MYPN: variants seen among roughly 807,000 people sequenced by gnomAD.
MYPN encodes sarcomeric protein myopalladin, 145 kDa (MYOP).
A neutral mutation model predicts 129.4 loss-of-function variants in MYPN; 63 were observed. That is an observed-to-expected ratio of 0.49 (90% confidence interval 0.40 to 0.60). The LOEUF is 0.60. MYPN is among the 20% of genes least tolerant of loss of function. The pLI is 0.00. For synonymous variants in MYPN, 629 were observed against 600.9 expected (o/e 1.05, Z -0.68); for missense variants, 1,596 against 1,635.4 (o/e 0.98, Z 0.42).
chr10:68,173,574 T>TTTTA (rs10688159), intron 10 of MYPN, among the ~76,000 whole-genome samples: 12,049 of 140,702 alleles, frequency 0.086, 579 homozygotes, highest in South Asian at 0.11. Context: ...CATCAAGTTA[T>TTTTA]TTTATTTATT....
intron 8 of MYPN, 138 bp from the exon 9 acceptor site, chr10:68,165,564 T>A (rs2043040687): frequency 2.7e-6 from 2 of 745,320 alleles, no homozygotes; most frequent in Non-Finnish European, 4.8e-6. Flanking sequence ...AAACAATTGT[T>A]TTGACCAATT....
intron 2 of MYPN, among the ~76,000 whole-genome samples, chr10:68,127,851 A>G (rs890052963): frequency 6.6e-6 from 1 of 152,226 alleles, no homozygotes; most frequent in African/African-American, 2.4e-5. Context: ...TAGGAACACC[A>G]CAGTCAATAA....
At chr10:68,131,812 A>G (rs2042415866) in intron 2 of MYPN, among the ~76,000 whole-genome samples, 1 of 152,216 alleles carries the variant, frequency 6.6e-6, no homozygotes, top group African/African-American at 2.4e-5. Context: ...GCTATTATTA[A>G]TGGCATCATT....
chr10:68,140,212 T>C (rs56024700), intron 2 of MYPN, among the ~76,000 whole-genome samples: 3,801 of 152,126 alleles, frequency 0.025, 165 homozygotes, highest in African/African-American at 0.085. Context: ...TTGGAACATA[T>C]TGAAGGGAAG....
chr10:68,130,233 G>T (rs950346671), intron 2 of MYPN, among the ~76,000 whole-genome samples: 3 of 152,192 alleles, frequency 2.0e-5, no homozygotes, highest in African/African-American at 7.2e-5. Context: ...GCCGAGGCAG[G>T]CGGATCACCT....
At chr10:68,125,581 T>G (rs1375643937) in intron 2 of MYPN, among the ~76,000 whole-genome samples, 1 of 152,228 alleles carries the variant, frequency 6.6e-6, no homozygotes, top group Non-Finnish European at 1.5e-5. Context: ...AATATAAATA[T>G]GCATCCCTGC....
At chr10:68,161,417 A>G (rs1349774945) in intron 7 of MYPN, among the ~76,000 whole-genome samples, 1 of 151,590 alleles carries the variant, frequency 6.6e-6, no homozygotes, top group Non-Finnish European at 1.5e-5. Context: ...AATTGCTTGA[A>G]CCCAGGAGAA....
intron 12 of MYPN, among the ~76,000 whole-genome samples, chr10:68,186,915 T>C (rs2043430457): frequency 6.6e-6 from 1 of 151,872 alleles, no homozygotes; most frequent in African/African-American, 2.4e-5. Flanking sequence ...GGAGGTGACA[T>C]TTAAGTTTGA....
chr10:68,154,828 A>G (rs1239581550), intron 6 of MYPN, among the ~76,000 whole-genome samples: 5 of 152,244 alleles, frequency 3.3e-5, no homozygotes, highest in African/African-American at 1.2e-4. Flanking sequence ...ACTCACGTTT[A>G]TAGCAGTGGG....
intron 10 of MYPN, 29 bp downstream of exon 10, chr10:68,166,695 G>A (rs2134169901): frequency 1.9e-6 from 3 of 1,612,780 alleles, no homozygotes; most frequent in Non-Finnish European, 2.5e-6. Flanking sequence ...GAATAACCAG[G>A]AGCTTCTGTG....
Position 68,179,371 on chromosome 10 carries a change from AGGAGCAACCT to A in MYPN, c.2703+3913_2703+3922del, listed in dbSNP as rs2043278969. 1.3e-5 allele frequency among the ~76,000 whole-genome samples: 2 copies of A among 152,200 alleles called. 1 individual carries two copies. The highest frequency in any genetic ancestry group is 4.1e-4 in the South Asian group (2 of 4,824). ...TGGACCCACACAGAATGCACCAGTC[AGGAGCAACCT>A]GGGGGCTCAGACTGGGCGGTGTCTT... On this transcript the variant is annotated intron_variant, in intron 12 of 19. Transcript: ENST00000358913.
intron 5 of MYPN, among the ~76,000 whole-genome samples, chr10:68,149,754 T>C (rs1772874501): frequency 6.6e-6 from 1 of 152,176 alleles, no homozygotes; most frequent in Non-Finnish European, 1.5e-5. Context: ...CCAGGGGTTC[T>C]ACGGAGCCTC....
Position 68,161,713 on chromosome 10 carries a change from C to G in MYPN, c.1460-16C>G. The G allele has an allele frequency of 6.2e-7, 1 of 1,607,184 alleles. No homozygotes were observed. The highest frequency in any genetic ancestry group is 1.1e-5 in the South Asian group (1 of 90,070). The stretch of plus-strand genomic sequence containing the variant: ...TAAAATAAATGCTCAGAATCTTTTA[C>G]TTTCTTTTCTTTTAGAACCTCGATC... On this transcript the variant is annotated splice_polypyrimidine_tract_variant and intron_variant, in intron 7 of 19. Coordinates refer to ENST00000358913, the MANE Select transcript of MYPN (RefSeq NM_032578.4).
intron 6 of MYPN, 25 bp downstream of exon 6, chr10:68,150,136 G>A: frequency 1.3e-6 from 2 of 1,582,388 alleles, no homozygotes; most frequent in Non-Finnish European, 8.7e-7. Context: ...ACTTCTTTCT[G>A]TCATGGCTTT....
intron 19 of MYPN, among the ~76,000 whole-genome samples, chr10:68,207,253 G>T (rs1307802871): frequency 6.6e-6 from 1 of 152,030 alleles, no homozygotes; most frequent in Non-Finnish European, 1.5e-5. Flanking sequence ...ACAAGACTCT[G>T]CCTCAAAATA....
At position 68,188,706 on chromosome 10, in the gene MYPN, G is replaced by C. The variant is rs956636821; in HGVS notation, c.2704-199G>C. 5.9e-5 allele frequency among the ~76,000 whole-genome samples: 9 copies of C among 152,334 alleles called. No homozygotes were observed. In the East Asian group the frequency reaches 1.3e-3, roughly 23 times the overall value. On this transcript the variant is annotated intron_variant, in intron 12 of 19. Coordinates refer to ENST00000358913, the MANE Select transcript of MYPN (RefSeq NM_032578.4). ...TGGAAAATCAGGATTCACTAAGGCC[G>C]TGTGGGATTTTAGGAGAGACACTGA...
intron 1 of MYPN, among the ~76,000 whole-genome samples, chr10:68,098,776 G>C (rs571056700): frequency 3.3e-5 from 5 of 152,162 alleles, no homozygotes; most frequent in African/African-American, 1.2e-4. Flanking sequence ...CCAGGAGGCA[G>C]AGGTTGCAGT....
At chr10:68,092,711 C>G (rs1195980722) in intron 1 of MYPN, among the ~76,000 whole-genome samples, 1 of 152,124 alleles carries the variant, frequency 6.6e-6, no homozygotes, top group African/African-American at 2.4e-5. Flanking sequence ...AAAATTCTTT[C>G]ATAATTATGT....
intron 1 of MYPN, among the ~76,000 whole-genome samples, chr10:68,114,715 G>GA (rs1329290290): frequency 1.3e-5 from 2 of 151,802 alleles, no homozygotes; most frequent in Non-Finnish European, 2.9e-5. Context: ...AAGTCCTAGG[G>GA]AAAAAAATAG....
Sources: gnomAD v4.1 joint callset for allele counts (sites outside exome capture counted in the v4.1 genomes callset) on GRCh38, gnomAD v4.1.1 for gene constraint, MANE v1.5 for transcripts, NCBI Gene and HGNC (gene_info 2026-07-23, HGNC 2026-07-21) for gene names.